ENTREP1: variants seen among roughly 807,000 people sequenced by gnomAD.
The protein encoded by ENTREP1 is Friedreich ataxia region gene X123.
chr9:69,347,795 C>T, the ENTREP1 span, among the ~76,000 whole-genome samples: 2 of 152,108 alleles, frequency 1.3e-5, no homozygotes, highest in Non-Finnish European at 2.9e-5. Flanking sequence ...TTCTGTTGAC[C>T]TCCCTAAGCT....
the ENTREP1 span, chr9:69,392,041 T>C: frequency 1.8e-6 from 1 of 565,446 alleles, no homozygotes; most frequent in Non-Finnish European, 3.2e-6. Context: ...TTGATCCTCT[T>C]CTTCCTCTGC....
the ENTREP1 span, among the ~76,000 whole-genome samples, chr9:69,330,082 T>C: frequency 7.2e-6 from 1 of 138,440 alleles, no homozygotes; most frequent in African/African-American, 2.8e-5. Context: ...GTATGGGAGT[T>C]AACTAGGTTC....
the ENTREP1 span, chr9:69,384,156 G>T: frequency 1.6e-6 from 1 of 621,430 alleles, no homozygotes; most frequent in African/African-American, 1.8e-5. Flanking sequence ...CCAGGAGTTT[G>T]AGGCCAGCCT....
chr9:69,332,002 C>T, the ENTREP1 span, among the ~76,000 whole-genome samples: 1 of 152,192 alleles, frequency 6.6e-6, no homozygotes, highest in Non-Finnish European at 1.5e-5. Context: ...CTTTTCCCAA[C>T]CCCTTTCCCC....
At chr9:69,387,749 TCTC>T in the ENTREP1 span, 1 of 440,178 alleles carries the variant, frequency 2.3e-6, no homozygotes, top group Non-Finnish European at 3.9e-6. Flanking sequence ...AGCCCCTTCC[TCTC>T]TTAATTGACT....
chr9:69,360,232 C>T, the ENTREP1 span, among the ~76,000 whole-genome samples: 874 of 152,208 alleles, frequency 5.7e-3, 4 homozygotes, highest in Non-Finnish European at 9.1e-3. Context: ...TGCTGTAAGT[C>T]TGAAGAAGAA....
At chr9:69,363,715 T>C in the ENTREP1 span, among the ~76,000 whole-genome samples, 1 of 152,314 alleles carries the variant, frequency 6.6e-6, no homozygotes, top group Non-Finnish European at 1.5e-5. Flanking sequence ...CCTCACTCTC[T>C]TCCCTCCCTG....
At chr9:69,378,106 A>AT in the ENTREP1 span, among the ~76,000 whole-genome samples, 1 of 152,282 alleles carries the variant, frequency 6.6e-6, no homozygotes, top group South Asian at 2.1e-4. Context: ...GAAGATAGAC[A>AT]TTTTCAATTT....
chr9:69,380,125 G>A, the ENTREP1 span: 1 of 152,240 alleles, frequency 6.6e-6, no homozygotes, highest in Admixed American at 6.5e-5. Flanking sequence ...ACATTGCCCA[G>A]TCTAAAATAC....
At chr9:69,348,752 A>G in the ENTREP1 span, among the ~76,000 whole-genome samples, 122 of 152,330 alleles carry the variant, frequency 8.0e-4, 1 homozygote, top group African/African-American at 2.8e-3. Context: ...TTAGCTTAAT[A>G]TTTTTAAGAT....
the ENTREP1 span, among the ~76,000 whole-genome samples, chr9:69,333,505 G>A: frequency 2.6e-5 from 4 of 151,920 alleles, no homozygotes; most frequent in East Asian, 1.9e-4. Context: ...GGGTCTCACC[G>A]TGTTGGCCAG....
At chr9:69,376,242 C>T in the ENTREP1 span, among the ~76,000 whole-genome samples, 1 of 152,156 alleles carries the variant, frequency 6.6e-6, no homozygotes, top group African/African-American at 2.4e-5. Context: ...GTCGCACACT[C>T]GTGTGTCATT....
At chr9:69,336,581 T>C in the ENTREP1 span, among the ~76,000 whole-genome samples, 1 of 152,152 alleles carries the variant, frequency 6.6e-6, no homozygotes, top group Admixed American at 6.5e-5. Context: ...TATACAATAG[T>C]GGAGGGAATA....
At chr9:69,343,468 T>C in the ENTREP1 span, among the ~76,000 whole-genome samples, 2 of 152,174 alleles carry the variant, frequency 1.3e-5, no homozygotes, top group Non-Finnish European at 2.9e-5. Context: ...AGACAGGGTC[T>C]CACTCTGTCA....
chr9:69,347,037 A>T, the ENTREP1 span, among the ~76,000 whole-genome samples: 1 of 152,252 alleles, frequency 6.6e-6, no homozygotes, highest in African/African-American at 2.4e-5. Flanking sequence ...GACGGATTGG[A>T]GCACCCTGTG....
the ENTREP1 span, among the ~76,000 whole-genome samples, chr9:69,332,465 C>G: frequency 6.6e-6 from 1 of 152,224 alleles, no homozygotes; most frequent in East Asian, 1.9e-4. Context: ...TATGCCTTGA[C>G]TGACTTGGCT....
At chr9:69,390,135 T>G in the ENTREP1 span, among the ~76,000 whole-genome samples, 1 of 152,262 alleles carries the variant, frequency 6.6e-6, no homozygotes, top group Admixed American at 6.5e-5. Context: ...TCAACTTCTT[T>G]GAATGTTGAA....
chr9:69,384,122 CCGAGG>C, the ENTREP1 span: 1 of 851,552 alleles, frequency 1.2e-6, no homozygotes, highest in Non-Finnish European at 1.9e-6. Context: ...CTTTGGGAGG[CCGAGG>C]TGGGAGGATC....
the ENTREP1 span, among the ~76,000 whole-genome samples, chr9:69,378,222 G>A: frequency 0.04 from 6,141 of 152,154 alleles, 361 homozygotes; most frequent in African/African-American, 0.14. Context: ...AGGCCAAATC[G>A]ATGTTTCATT....
Sources: gnomAD v4.1 joint callset for allele counts (sites outside exome capture counted in the v4.1 genomes callset) on GRCh38, gnomAD v4.1.1 for gene constraint, MANE v1.5 for transcripts, NCBI Gene and HGNC (gene_info 2026-07-23, HGNC 2026-07-21) for gene names.